Variants in AKAP6 observed in about 807,000 individuals in gnomAD.
AKAP6 encodes A-kinase anchoring protein 6.
Under a neutral mutation model 188.5 loss-of-function variants are expected in AKAP6, and 58 were observed. The observed-to-expected ratio is 0.31, with a 90% CI of 0.25 to 0.38. AKAP6 has a LOEUF of 0.38. Among genes scored for constraint, AKAP6 ranks in the 10% least tolerant of loss-of-function variants. The pLI is 1.00. For missense variants in AKAP6, 2,710 were observed against 2,740.0 expected (o/e 0.99, Z 0.24); for synonymous variants, 989 against 998.6 (o/e 0.99, Z 0.18).
chr14:32,620,216 T>C (rs1454207405), intron 7 of AKAP6, among the ~76,000 whole-genome samples: 2 of 152,164 alleles, frequency 1.3e-5, no homozygotes, highest in Admixed American at 1.3e-4. Flanking sequence ...ATAGAAGTGG[T>C]GAAAGTGGGC....
chr14:32,747,106 A>G (rs928481408), intron 11 of AKAP6, among the ~76,000 whole-genome samples: 2 of 152,202 alleles, frequency 1.3e-5, no homozygotes, highest in Non-Finnish European at 2.9e-5. Flanking sequence ...AGAAATAAAA[A>G]TAAGACCAAT....
intron 2 of AKAP6, among the ~76,000 whole-genome samples, chr14:32,448,274 C>T (rs1359004659): frequency 6.6e-6 from 1 of 152,172 alleles, no homozygotes; most frequent in Non-Finnish European, 1.5e-5. Flanking sequence ...TGACAATAAC[C>T]AAGTACACCC....
chr14:32,717,340 T>C (rs1955491), intron 9 of AKAP6, among the ~76,000 whole-genome samples: 27,123 of 152,138 alleles, frequency 0.18, 2,712 homozygotes, highest in Non-Finnish European at 0.23. Context: ...CATCATATTC[T>C]GTCATCTGTT....
At chr14:32,346,068 G>A (rs1887055841) in intron 1 of AKAP6, among the ~76,000 whole-genome samples, 1 of 152,100 alleles carries the variant, frequency 6.6e-6, no homozygotes, top group Non-Finnish European at 1.5e-5. Context: ...ACACCCCAAA[G>A]GTTTGCCTTG....
chr14:32,510,486 A>ATG (rs1211398198), intron 2 of AKAP6, among the ~76,000 whole-genome samples: 3 of 122,426 alleles, frequency 2.5e-5, no homozygotes, highest in Non-Finnish European at 4.9e-5. Context: ...ACATATATAT[A>ATG]TGTGTATATA....
At chr14:32,491,866 C>G (rs2138947547) in intron 2 of AKAP6, among the ~76,000 whole-genome samples, 1 of 152,262 alleles carries the variant, frequency 6.6e-6, no homozygotes, top group Admixed American at 6.5e-5. Context: ...TGATTCATGA[C>G]TCAAGTGGGA....
intron 7 of AKAP6, among the ~76,000 whole-genome samples, chr14:32,636,472 G>T (rs1887491371): frequency 1.3e-5 from 2 of 152,092 alleles, no homozygotes. Flanking sequence ...ATAGATAGGT[G>T]CTGAGAGTGG....
chr14:32,555,622 G>A (rs1883654434), intron 4 of AKAP6, among the ~76,000 whole-genome samples: 1 of 151,956 alleles, frequency 6.6e-6, no homozygotes, highest in Non-Finnish European at 1.5e-5. Context: ...CTGTCCTCGG[G>A]TAACCAACAT....
chr14:32,546,379 C>A lies in AKAP6; in HGVS notation c.1726C>A (p.Pro576Thr), dbSNP rs1447941151. ...LQLQSETSSS[P>T]AFTQSSESSV... The stretch of plus-strand genomic sequence containing the variant: ...ATTGCAGTCAGAAACATCCAGTTCA[C>A]CAGCTTTTACTCAGAGCAGTGAATC... The change falls in exon 4 of 14, where the codon CCA (proline) becomes ACA (threonine). Residue 576 changes from proline (P) to threonine (T), a missense_variant. Physicochemically the swap from Pro to Thr is conservative, Grantham distance 38 (BLOSUM62 -1). Transcript: ENST00000280979. 6.2e-7 allele frequency: 1 copy of A among 1,614,164 alleles called. No homozygotes were observed. The highest frequency in any genetic ancestry group is 1.3e-5 in the African/African-American group (1 of 75,048).
intron 7 of AKAP6, among the ~76,000 whole-genome samples, chr14:32,657,162 C>A (rs1566629266): frequency 6.6e-6 from 1 of 152,138 alleles, no homozygotes; most frequent in Non-Finnish European, 1.5e-5. Flanking sequence ...TCTGATTTGA[C>A]ATAGGGAAAA....
At chr14:32,346,461 A>C (rs1178690023) in intron 1 of AKAP6, among the ~76,000 whole-genome samples, 4 of 152,226 alleles carry the variant, frequency 2.6e-5, no homozygotes, top group Non-Finnish European at 4.4e-5. Context: ...GTAACTTCCC[A>C]AAAACTCTGT....
intron 1 of AKAP6, among the ~76,000 whole-genome samples, chr14:32,338,473 T>G (rs1294004218): frequency 4.8e-5 from 7 of 146,286 alleles, no homozygotes; most frequent in African/African-American, 1.8e-4. Context: ...AATCCTAACA[T>G]CCAGCAATTT....
intron 1 of AKAP6, among the ~76,000 whole-genome samples, chr14:32,343,969 A>G (rs1040311930): frequency 5.9e-5 from 9 of 152,128 alleles, no homozygotes; most frequent in Non-Finnish European, 1.2e-4. Context: ...ACTTGTTCAT[A>G]TACTCTGAGG....
intron 1 of AKAP6, among the ~76,000 whole-genome samples, chr14:32,391,264 T>C (rs1888705243): frequency 6.6e-6 from 1 of 152,152 alleles, no homozygotes; most frequent in African/African-American, 2.4e-5. Flanking sequence ...AGTTGCAAAA[T>C]TCCTTGGCTG....
At position 32,545,741 on chromosome 14, in the gene AKAP6, C is replaced by G; in HGVS notation, c.1088C>G (p.Pro363Arg). ...HHDAKNQQPV[P>R]CENATPKRTI... ...GATGCAAAGAATCAGCAGCCTGTTCCTTGTGAAAATGCAACCCCCAAACGA... is the reference window on the plus strand; with the variant it reads ...GATGCAAAGAATCAGCAGCCTGTTCGTTGTGAAAATGCAACCCCCAAACGA... Residue 363 changes from proline to arginine, a missense_variant, in exon 4 of 14, where the codon CCT (proline) becomes CGT (arginine). Pro to Arg is a moderately radical substitution (Grantham distance 103). Around this residue, in one of 2 missense-constraint regions of AKAP6, gnomAD observed 2,473 missense variants for 2,426.1 expected, o/e 1.02. Coordinates refer to ENST00000280979, the MANE Select transcript of AKAP6 (RefSeq NM_004274.5). 1 of 1,614,216 alleles carries G rather than the reference C, an allele frequency of 6.2e-7. No homozygotes were observed.
chr14:32,425,684 T>G (rs1217831254), intron 1 of AKAP6, among the ~76,000 whole-genome samples: 1 of 152,056 alleles, frequency 6.6e-6, no homozygotes. Flanking sequence ...CCTTTGCTCA[T>G]TTTTAATGGG....
chr14:32,678,078 A>G (rs1191292998), intron 7 of AKAP6, among the ~76,000 whole-genome samples: 3 of 152,206 alleles, frequency 2.0e-5, no homozygotes, highest in African/African-American at 7.2e-5. Flanking sequence ...ATTTTGTGAT[A>G]TTTACAGAGT....
chr14:32,461,696 T>C (rs1891328883), intron 2 of AKAP6, among the ~76,000 whole-genome samples: 1 of 151,938 alleles, frequency 6.6e-6, no homozygotes, highest in Non-Finnish European at 1.5e-5. Context: ...GCAACTCCTC[T>C]TGAGCAAGGG....
intron 7 of AKAP6, among the ~76,000 whole-genome samples, chr14:32,609,299 T>C (rs933218957): frequency 7.2e-5 from 11 of 152,182 alleles, no homozygotes; most frequent in Admixed American, 2.0e-4. Context: ...TGGAATTCAG[T>C]TGGAATATAC....
Sources: allele counts gnomAD v4.1 joint callset (sites outside exome capture counted in the v4.1 genomes callset), GRCh38; gene constraint gnomAD v4.1.1; regional missense constraint gnomAD v4.1.1; transcripts MANE v1.5; gene names NCBI Gene and HGNC (gene_info 2026-07-23, HGNC 2026-07-21).